Variants in MTBP observed in about 807,000 individuals in gnomAD.
MTBP encodes the protein mdm2-binding protein.
Under a neutral mutation model 117.0 loss-of-function variants are expected in MTBP, and 101 were observed. The observed-to-expected ratio is 0.86, with a 90% CI of 0.73 to 1.02. MTBP has a LOEUF of 1.02. Ranked by LOEUF, MTBP falls within the 50% of genes least tolerant of loss-of-function variation. The pLI is 0.00. For missense variants in MTBP, 970 were observed against 1,030.9 expected (o/e 0.94, Z 0.81); for synonymous variants, 350 against 351.5 (o/e 1.00, Z 0.05).
chr8:120,465,740 A>T (rs1813674385), intron 10 of MTBP, among the ~76,000 whole-genome samples: 1 of 143,052 alleles, frequency 7.0e-6, no homozygotes, highest in African/African-American at 2.5e-5. Flanking sequence ...GCTCACCGCA[A>T]CCTCTGCCTC....
At chr8:120,511,217 A>G (rs1389374954) in intron 17 of MTBP, among the ~76,000 whole-genome samples, 2 of 152,296 alleles carry the variant, frequency 1.3e-5, no homozygotes, top group Middle Eastern at 3.4e-3. Flanking sequence ...TGTTTCCCAA[A>G]TAGCCTTAAA....
chr8:120,497,251 A>T (rs974790412), intron 13 of MTBP, 142 bp from the exon 14 acceptor site: 1 of 664,494 alleles, frequency 1.5e-6, no homozygotes, highest in Non-Finnish European at 2.5e-6. Flanking sequence ...AAAGTGAAAG[A>T]AGGCCTACAA....
intron 9 of MTBP, among the ~76,000 whole-genome samples, chr8:120,461,573 G>A (rs1563787337): frequency 6.6e-6 from 1 of 152,068 alleles, no homozygotes; most frequent in Admixed American, 6.6e-5. Flanking sequence ...AAGTGATTGA[G>A]CCTTGCTTCT....
intron 16 of MTBP, among the ~76,000 whole-genome samples, chr8:120,507,510 C>A (rs753957477): frequency 3.3e-5 from 5 of 152,180 alleles, no homozygotes; most frequent in African/African-American, 4.8e-5. Context: ...ACTCTAATGT[C>A]TTTTTAATTG....
chr8:120,523,430 G>T lies in MTBP; in HGVS notation c.*94G>T. On this transcript the variant is annotated 3_prime_UTR_variant, in exon 22 of 22. Coordinates refer to ENST00000305949, the MANE Select transcript of MTBP (RefSeq NM_022045.5). ...TTTGAAAATTATAAACAAATTTTAA[G>T]CTTTATTCAAAGAATAGATGTTATA... 1 of 750,208 alleles carries T rather than the reference G, an allele frequency of 1.3e-6. No homozygotes were observed. The highest frequency in any genetic ancestry group is 2.3e-5 in the South Asian group (1 of 42,768). 46.5% of individuals were successfully genotyped at this position (750,208 alleles called of 1,614,324 possible). A position where few individuals can be genotyped will look rare whatever the true frequency, so the allele number is the denominator to read the frequency against.
chr8:120,520,548 A>T (rs1353620536), intron 20 of MTBP, among the ~76,000 whole-genome samples: 1 of 152,120 alleles, frequency 6.6e-6, no homozygotes, highest in African/African-American at 2.4e-5. Flanking sequence ...GAGTGGACAC[A>T]AGCGTCCTAG....
rs1814608390 is a variant in MTBP, at chr8:120,502,559, G to T, written c.1677G>T (p.Arg559Ser). 1.9e-6 allele frequency: 3 copies of T among 1,603,092 alleles called. No homozygotes were observed. The highest frequency in any genetic ancestry group is 2.2e-5 in the East Asian group (1 of 44,542). Residue 559 changes from arginine (R) to serine (S), a missense_variant, in exon 15 of 22, where the codon AGG becomes AGT. Physicochemically the swap from Arg to Ser is moderately radical, Grantham distance 110 (BLOSUM62 -1). Transcript: ENST00000305949. ...CCAATCCTCTGGAATGGCCAGAAAGGCATGTTCTTCAAAATTTGGAAACTT... is the reference window on the plus strand; with the variant it reads ...CCAATCCTCTGGAATGGCCAGAAAGTCATGTTCTTCAAAATTTGGAAACTT... ...METNPLEWPE[R>S]HVLQNLETFE...
At chr8:120,520,967 A>G (rs747060278) in intron 20 of MTBP, among the ~76,000 whole-genome samples, 1 of 152,146 alleles carries the variant, frequency 6.6e-6, no homozygotes, top group Admixed American at 6.6e-5. Context: ...ATGAAGTTCA[A>G]CAGAACAAGG....
intron 11 of MTBP, chr8:120,473,145 A>G (rs1813857309): frequency 1.3e-5 from 2 of 152,186 alleles, no homozygotes; most frequent in African/African-American, 2.4e-5. Flanking sequence ...TACAATGTAA[A>G]TGCTATGTAA....
At chr8:120,480,124 C>T (rs1302396934) in intron 11 of MTBP, among the ~76,000 whole-genome samples, 1 of 152,126 alleles carries the variant, frequency 6.6e-6, no homozygotes, top group South Asian at 2.1e-4. Flanking sequence ...TAAGATAGAA[C>T]TCCAAATTGA....
chr8:120,500,700 A>C (rs1377084302), intron 14 of MTBP, among the ~76,000 whole-genome samples: 1 of 152,240 alleles, frequency 6.6e-6, no homozygotes, highest in African/African-American at 2.4e-5. Flanking sequence ...TAAATAGTTT[A>C]ATAAGTAAAA....
At chr8:120,503,424 T>TG (rs1310324965) in intron 15 of MTBP, among the ~76,000 whole-genome samples, 1 of 152,074 alleles carries the variant, frequency 6.6e-6, no homozygotes, top group Non-Finnish European at 1.5e-5. Flanking sequence ...ATAAAAAGAC[T>TG]GGGGGAGAAA....
intron 13 of MTBP, among the ~76,000 whole-genome samples, chr8:120,496,854 T>G (rs1179005599): frequency 6.6e-6 from 1 of 152,192 alleles, no homozygotes; most frequent in Non-Finnish European, 1.5e-5. Context: ...CTTATACTCC[T>G]CGGTAGTGCC....
At position 120,447,833 on chromosome 8, in the gene MTBP, A is replaced by G. The variant is rs1313171961; in HGVS notation, c.199+1320A>G. Among the ~76,000 whole-genome samples, 3 of 149,196 alleles carry G rather than the reference A, an allele frequency of 2.0e-5. No homozygotes were observed. In the Admixed American group the frequency reaches 2.0e-4, roughly 10 times the overall value. On this transcript the variant is annotated intron_variant, in intron 2 of 21. Coordinates refer to ENST00000305949, the MANE Select transcript of MTBP (RefSeq NM_022045.5). ...AGTTTGAGCAGTGCTTGCCACCTTC[A>G]CATCATCACGTAACTTATGATACAG...
chr8:120,516,613 A>T (rs532679569), intron 18 of MTBP, among the ~76,000 whole-genome samples: 2 of 152,052 alleles, frequency 1.3e-5, no homozygotes, highest in East Asian at 3.8e-4. Context: ...CACCTGTTAC[A>T]TATAAAATAT....
chr8:120,494,554 C>G (rs888711515), intron 13 of MTBP, among the ~76,000 whole-genome samples: 5 of 152,164 alleles, frequency 3.3e-5, no homozygotes, highest in African/African-American at 1.2e-4. Flanking sequence ...TGTACGTATG[C>G]TGCTATTTCT....
chr8:120,500,193 A>T (rs978753424), intron 14 of MTBP, among the ~76,000 whole-genome samples: 1 of 151,538 alleles, frequency 6.6e-6, no homozygotes, highest in African/African-American at 2.4e-5. Flanking sequence ...TTTTTTTTTT[A>T]AAGCAGTGTT....
intron 15 of MTBP, 108 bp downstream of exon 15, chr8:120,502,717 AT>A: frequency 1.6e-6 from 1 of 643,176 alleles, no homozygotes; most frequent in Non-Finnish European, 2.6e-6. Context: ...TTGTTTTATT[AT>A]AAAAGAAATA....
intron 17 of MTBP, among the ~76,000 whole-genome samples, chr8:120,515,003 G>A (rs1814890863): frequency 6.6e-6 from 1 of 151,460 alleles, no homozygotes; most frequent in South Asian, 2.1e-4. Flanking sequence ...GAAAGATAAG[G>A]TTCTTAAAAC....
Sources: allele counts gnomAD v4.1 joint callset (sites outside exome capture counted in the v4.1 genomes callset), GRCh38; gene constraint gnomAD v4.1.1; transcripts MANE v1.5; gene names NCBI Gene and HGNC (gene_info 2026-07-23, HGNC 2026-07-21).